The following PCDHA4 variants were observed in gnomAD, a reference collection of about 807,000 sequenced individuals.
PCDHA4 encodes the protein protocadherin alpha 4.
Under a neutral mutation model 61.4 loss-of-function variants are expected in PCDHA4, and 49 were observed. The ratio of observed to expected loss-of-function variants is 0.80; its 90% confidence interval spans 0.63 to 1.01. PCDHA4 has a LOEUF of 1.01. Ranked by LOEUF, PCDHA4 falls within the 50% of genes least tolerant of loss-of-function variation. PCDHA4 has a pLI of 0.00. For missense variants in PCDHA4, 1,254 were observed against 1,235.8 expected (o/e 1.01, Z -0.22); for synonymous variants, 590 against 550.3 (o/e 1.07, Z -1.01).
chr5:140,967,057 AGC>A, intron 1 of PCDHA4: 1 of 1,612,704 alleles, frequency 6.2e-7, no homozygotes, highest in Non-Finnish European at 8.5e-7. Context: ...TGACGAGTGG[AGC>A]GCTCTTCGTC....
At chr5:140,999,159 G>A (rs1056236953) in intron 3 of PCDHA4, among the ~76,000 whole-genome samples, 2 of 152,182 alleles carry the variant, frequency 1.3e-5, no homozygotes, top group African/African-American at 2.4e-5. Flanking sequence ...CAGTCCCCTA[G>A]AAGGAAAAGA....
intron 1 of PCDHA4, chr5:140,867,533 T>C (rs2050017163): frequency 6.6e-6 from 1 of 152,110 alleles, no homozygotes. Flanking sequence ...AATATATATA[T>C]AAAATATTAG....
intron 1 of PCDHA4, chr5:140,857,587 C>T: frequency 1.3e-6 from 2 of 1,596,526 alleles, no homozygotes; most frequent in South Asian, 2.2e-5. Context: ...ACGCGGAGAG[C>T]GGCAAGGTGT....
chr5:140,837,978 C>T (rs1554136732), intron 1 of PCDHA4, among the ~76,000 whole-genome samples: 1 of 151,764 alleles, frequency 6.6e-6, no homozygotes, highest in African/African-American at 2.4e-5. Context: ...CACACCCAGC[C>T]TGCCTTTCAT....
intron 1 of PCDHA4, among the ~76,000 whole-genome samples, chr5:140,944,481 T>C (rs1441639137): frequency 1.3e-5 from 2 of 152,106 alleles, no homozygotes; most frequent in Admixed American, 6.5e-5. Flanking sequence ...GGCACTGGAC[T>C]GAGGCTTCTT....
chr5:140,835,503 G>C (rs1554135018), intron 1 of PCDHA4: 1 of 1,613,792 alleles, frequency 6.2e-7, no homozygotes, highest in East Asian at 2.2e-5. Flanking sequence ...ATTGATTAGC[G>C]TGTTTGACCG....
At chr5:140,906,609 T>C (rs376857630) in intron 1 of PCDHA4, among the ~76,000 whole-genome samples, 2 of 152,348 alleles carry the variant, frequency 1.3e-5, no homozygotes, top group East Asian at 3.9e-4. Flanking sequence ...TCATTCTGTA[T>C]TCCCTTTGCC....
chr5:140,926,495 T>G (rs1033428952), intron 1 of PCDHA4: 3 of 181,806 alleles, frequency 1.7e-5, no homozygotes, highest in Non-Finnish European at 3.4e-5. Flanking sequence ...TGTTAGTGTC[T>G]CGGGGCGTCT....
chr5:140,971,970 A>C (rs2096510217), intron 1 of PCDHA4, among the ~76,000 whole-genome samples: 1 of 152,130 alleles, frequency 6.6e-6, no homozygotes, highest in Non-Finnish European at 1.5e-5. Flanking sequence ...TTTTTTCAAT[A>C]CTATGAGTAG....
intron 1 of PCDHA4, among the ~76,000 whole-genome samples, chr5:140,950,382 A>G (rs1424724989): frequency 3.3e-5 from 5 of 151,950 alleles, no homozygotes; most frequent in African/African-American, 7.2e-5. Context: ...CTTCCATTTG[A>G]ATGATATAGA....
intron 1 of PCDHA4, among the ~76,000 whole-genome samples, chr5:140,827,478 A>T (rs1477917338): frequency 6.6e-6 from 1 of 152,232 alleles, no homozygotes; most frequent in Non-Finnish European, 1.5e-5. Flanking sequence ...TTATTGAACA[A>T]AGAAAGCATG....
In PCDHA4 at chr5:140,808,910, G is replaced by A. The variant is rs782513861; in HGVS notation, c.1723G>A (p.Gly575Ser). ...AGCGCCTCGGGCGGGTGGCACTGGT[G>A]GCGCAGTGAGCGAGCTGGTGCCATG... is the stretch of plus-strand genomic sequence containing the variant. The part of the protein sequence containing the change: ...LLAPRAGGTG[G>S]AVSELVPWSV... The change falls in exon 1 of 4, where the codon GGC (glycine) becomes AGC (serine). Residue 575 changes from glycine to serine, a missense_variant. Physicochemically the swap from Gly to Ser is moderately conservative, Grantham distance 56. Transcript: ENST00000530339. The A allele has an allele frequency of 4.3e-6, 7 of 1,613,580 alleles. No individual in the cohort carries two copies. In the East Asian group the frequency reaches 1.6e-4, roughly 36 times the overall value.
chr5:140,928,468 G>A, intron 1 of PCDHA4: 1 of 1,614,154 alleles, frequency 6.2e-7, no homozygotes. Flanking sequence ...TTTCCAAGTA[G>A]AAGGCCGGGA....
chr5:140,897,214 G>A (rs1355389573), intron 1 of PCDHA4, among the ~76,000 whole-genome samples: 1 of 151,764 alleles, frequency 6.6e-6, no homozygotes, highest in Non-Finnish European at 1.5e-5. Flanking sequence ...TTAAGTTTTA[G>A]GGTACATGTG....
At chr5:140,829,867 G>T (rs2150176588) in intron 1 of PCDHA4, 1 of 1,613,948 alleles carries the variant, frequency 6.2e-7, no homozygotes, top group Non-Finnish European at 8.5e-7. Flanking sequence ...AAGTGGTGGC[G>T]AAGGTGCGCG....
At chr5:141,001,896 C>T (rs2098042458) in intron 3 of PCDHA4, among the ~76,000 whole-genome samples, 1 of 152,142 alleles carries the variant, frequency 6.6e-6, no homozygotes, top group Admixed American at 6.5e-5. Flanking sequence ...GAAATCGGGG[C>T]TGTTTGAAAA....
intron 1 of PCDHA4, among the ~76,000 whole-genome samples, chr5:140,918,196 G>T (rs978589409): frequency 7.9e-5 from 12 of 152,102 alleles, no homozygotes; most frequent in Non-Finnish European, 1.6e-4. Flanking sequence ...CCTCAGCTTG[G>T]ATGTTGTTGG....
chr5:140,819,122 A>C (rs1766495452), intron 1 of PCDHA4, among the ~76,000 whole-genome samples: 1 of 152,188 alleles, frequency 6.6e-6, no homozygotes, highest in Non-Finnish European at 1.5e-5. Flanking sequence ...CTTTCTTACT[A>C]TCCTTATAAT....
rs73793540 is a variant in PCDHA4, at chr5:140,959,705, G to T, written c.2386-19244G>T. 8.9e-3 allele frequency among the ~76,000 whole-genome samples: 1,358 copies of T among 152,238 alleles called. 14 individuals are homozygous for T. The highest frequency in any genetic ancestry group is 0.032 in the African/African-American group (1,312 of 41,544). On this transcript the variant is annotated intron_variant, in intron 1 of 3. Coordinates refer to ENST00000530339, the MANE Select transcript of PCDHA4 (RefSeq NM_018907.4). ...AATTTCAATAAAATGAGCTTTGAAA[G>T]GGAAAATTTTTAGATAACATTATCT...
Sources: allele counts gnomAD v4.1 joint callset (sites outside exome capture counted in the v4.1 genomes callset), GRCh38; gene constraint gnomAD v4.1.1; transcripts MANE v1.5; gene names NCBI Gene and HGNC (gene_info 2026-07-23, HGNC 2026-07-21).